POLR1A: variants seen among roughly 807,000 people sequenced by gnomAD.
POLR1A encodes the protein RNA polymerase I subunit A.
Under a neutral mutation model 205.3 loss-of-function variants are expected in POLR1A, and 84 were observed. The observed-to-expected ratio is 0.41, with a 90% CI of 0.34 to 0.49. POLR1A has a LOEUF of 0.49. POLR1A is among the 20% of genes least tolerant of loss of function. POLR1A has a pLI of 0.22. For synonymous variants in POLR1A, 799 were observed against 863.7 expected (o/e 0.93, Z 1.31); for missense variants, 1,645 against 2,204.5 (o/e 0.75, Z 5.08).
At chr2:86,031,750 C>T (rs1672399507) in intron 29 of POLR1A, 115 bp from the exon 30 acceptor site, 1 of 1,320,404 alleles carries the variant, frequency 7.6e-7, no homozygotes, top group Non-Finnish European at 1.0e-6. Flanking sequence ...ACCTAGGCCC[C>T]ACCTGCTCCA....
chr2:86,077,711 C>G, intron 11 of POLR1A, 148 bp downstream of exon 11: 1 of 948,596 alleles, frequency 1.1e-6, no homozygotes, highest in Non-Finnish European at 1.6e-6. Flanking sequence ...AAGCTAGTTC[C>G]GCCCAAGCCA....
Position 86,089,916 on chromosome 2 carries a change from T to A in POLR1A, c.446A>T (p.Asn149Ile), listed in dbSNP as rs1410963727. The change falls in exon 4 of 34, where the codon AAT becomes ATT. Residue 149 changes from asparagine (N) to isoleucine (I), a missense_variant. Asn to Ile is a moderately radical substitution (Grantham distance 149, BLOSUM62 -3). Coordinates refer to ENST00000263857, the MANE Select transcript of POLR1A (RefSeq NM_015425.6). ...AATTTCAGAGGCAGAGGGATCGGGATTTTCTTCCAGAAACTGGAAAACAAA... is the reference window on the plus strand; with the variant it reads ...AATTTCAGAGGCAGAGGGATCGGGAATTTCTTCCAGAAACTGGAAAACAAA... ...ERILNRFLEE[N>I]PDPSASEIRE... 5.1e-6 allele frequency: 8 copies of A among 1,574,526 alleles called. No homozygotes were observed. Among genetic ancestry groups the A allele is most frequent in the Non-Finnish European group, 7.0e-6 (8 of 1,143,616 alleles).
chr2:86,032,425 C>G, intron 28 of POLR1A, 43 bp from the exon 29 acceptor site: 1 of 1,362,058 alleles, frequency 7.3e-7, no homozygotes, highest in South Asian at 1.2e-5. Context: ...ACTCCAATAT[C>G]TAGTGCTCAG....
rs1265900706 is a variant in POLR1A at position 86,065,470 on chromosome 2, A to C, written c.1867-5T>G. 3 of 1,609,264 alleles carry C rather than the reference A, an allele frequency of 1.9e-6. No individual in the cohort carries two copies. The highest frequency in any genetic ancestry group is 2.5e-6 in the Non-Finnish European group (3 of 1,177,906). On this transcript the variant is annotated splice_polypyrimidine_tract_variant and splice_region_variant and intron_variant, in intron 13 of 33. Coordinates refer to ENST00000263857, the MANE Select transcript of POLR1A (RefSeq NM_015425.6). ...TCCCGCCAATGGTTGGCCATCCTAT[A>C]AGCCAAAACAGACAACACAAGAAGA...
rs564755710 is a variant in POLR1A, at chr2:86,046,004, T to C, written c.2734-235A>G. 2.0e-5 allele frequency among the ~76,000 whole-genome samples: 3 copies of C among 152,314 alleles called. No individual in the cohort carries two copies. In the East Asian group the frequency reaches 5.8e-4, roughly 29 times the overall value. ...ACATTTGGGGTCAGTTGAAAATGGG[T>C]GCTCTCTATAAAAAGAGCCATGTCT... is the stretch of plus-strand genomic sequence containing the variant. On this transcript the variant is annotated intron_variant, in intron 19 of 33. Coordinates refer to ENST00000263857, the MANE Select transcript of POLR1A (RefSeq NM_015425.6).
In POLR1A at chr2:86,070,321, C is replaced by T. The variant is rs767870383; in HGVS notation, c.1612-49G>A. ...GTGATCAGTGCAAACGTCAGTATCA[C>T]CACGGCTCTTTCCAAGTGCTCACCT... is the stretch of plus-strand genomic sequence containing the variant. On this transcript the variant is annotated intron_variant, in intron 12 of 33. Transcript: ENST00000263857. This position sits in a 1 kb window ranked among gnomAD's most constrained non-coding sequence, Gnocchi z 4.4. The T allele has an allele frequency of 3.9e-6, 6 of 1,542,724 alleles. No homozygotes were observed. The highest frequency in any genetic ancestry group is 1.9e-5 in the Admixed American group (1 of 53,058).
At chr2:86,099,794 C>G (rs1040965121) in intron 2 of POLR1A, among the ~76,000 whole-genome samples, 174 bp downstream of exon 2, 7 of 152,194 alleles carry the variant, frequency 4.6e-5, no homozygotes, top group African/African-American at 1.4e-4. Flanking sequence ...TTTAGGGCCA[C>G]AGGGTAAGTT....
chr2:86,038,947 G>A (rs1672549180), intron 26 of POLR1A, 90 bp from the exon 27 acceptor site: 1 of 1,225,234 alleles, frequency 8.2e-7, no homozygotes, highest in Non-Finnish European at 1.2e-6. Flanking sequence ...AGGGTTTACA[G>A]AGATAGCAGC....
In POLR1A at chr2:86,028,213, G is replaced by T. The variant is rs558788228; in HGVS notation, c.4898-164C>A. Among the ~76,000 whole-genome samples the T allele has an allele frequency of 1.1e-3, 171 of 152,272 alleles. No homozygotes were observed. Among genetic ancestry groups the T allele is most frequent in the Non-Finnish European group, 1.7e-3 (119 of 68,016 alleles). On this transcript the variant is annotated intron_variant, in intron 32 of 33. Transcript: ENST00000263857. This position sits in a 1 kb window ranked among gnomAD's most constrained non-coding sequence, Gnocchi z 4.5. ...CTCACGCTACTTAACCCTTCCCCGTGGTCTGGGGCATCTTTCCCTGACCCC... is the reference window on the plus strand; with the variant it reads ...CTCACGCTACTTAACCCTTCCCCGTTGTCTGGGGCATCTTTCCCTGACCCC...
At chr2:86,052,718 A>T in intron 16 of POLR1A, 99 bp downstream of exon 16, 1 of 975,226 alleles carries the variant, frequency 1.0e-6, no homozygotes, top group South Asian at 2.1e-5. Flanking sequence ...AGCCTTGGAA[A>T]TCTTCAGTGT....
chr2:86,098,626 C>A lies in POLR1A; in HGVS notation c.417G>T (p.Glu139Asp). Residue 139 changes from glutamate to aspartate, a missense_variant, in exon 3 of 34, where the codon GAG becomes GAT. Glu to Asp is a conservative substitution (Grantham distance 45). This residue lies in a region of POLR1A where 330 missense variants were observed against 375.6 expected (regional missense o/e 0.88). Transcript: ENST00000263857. The part of the protein sequence containing the change: ...VGALQAVYEL[E>D]RILNRFLEEN... Reference sequence around the variant, plus strand: ...ACCCACCTACCCTGTTCAGAATTCTCTCAAGCTCGTAGACTGCTTGTAGGG... The same window carrying A: ...ACCCACCTACCCTGTTCAGAATTCTATCAAGCTCGTAGACTGCTTGTAGGG... 6.2e-7 allele frequency: 1 copy of A among 1,613,582 alleles called. No individual in the cohort carries two copies. The highest frequency in any genetic ancestry group is 8.5e-7 in the Non-Finnish European group (1 of 1,179,874).
chr2:86,090,688 T>A (rs1028762606), intron 3 of POLR1A, among the ~76,000 whole-genome samples: 1 of 152,248 alleles, frequency 6.6e-6, no homozygotes, highest in African/African-American at 2.4e-5. Flanking sequence ...AATATGCCTA[T>A]GATGCTCCCC....
chr2:86,073,208 T>A (rs1559518), intron 12 of POLR1A, among the ~76,000 whole-genome samples: 122,756 of 142,500 alleles, frequency 0.86, 51,691 homozygotes, highest in Non-Finnish European at 0.9. Flanking sequence ...CAAAAAAAAA[T>A]AAAATAAAAA....
chr2:86,078,374 G>A lies in POLR1A; in HGVS notation c.1087-90C>T, dbSNP rs899405970. 3.0e-5 allele frequency: 29 copies of A among 973,814 alleles called. No homozygotes were observed. The Middle Eastern group carries it at 1.3e-3, about 44-fold the overall frequency. 60.3% of individuals were successfully genotyped at this position (973,814 alleles called of 1,614,324 possible). On this transcript the variant is annotated intron_variant, in intron 9 of 33. Transcript: ENST00000263857. ...AATTTTTCTTTCTTACCCTGGATCT[G>A]ACAACTATGCACTCTGGAGTTTATC...
intron 3 of POLR1A, among the ~76,000 whole-genome samples, chr2:86,093,474 T>G (rs1003228405): frequency 6.6e-5 from 10 of 152,186 alleles, no homozygotes; most frequent in Admixed American, 6.5e-4. Context: ...AACTTAGCAC[T>G]GATAAATTAT....
chr2:86,077,743 G>A, intron 11 of POLR1A, 116 bp downstream of exon 11: 1 of 1,223,134 alleles, frequency 8.2e-7, no homozygotes, highest in Admixed American at 1.8e-5. Context: ...TGCACATCCT[G>A]TCCCCAGTCC....
At chr2:86,029,465 G>C (rs771495696) in intron 31 of POLR1A, among the ~76,000 whole-genome samples, 1 of 152,142 alleles carries the variant, frequency 6.6e-6, no homozygotes, top group African/African-American at 2.4e-5. Flanking sequence ...ATGAGCTGGT[G>C]AGCAGGTGGG....
At chr2:86,068,393 G>GA (rs930189935) in intron 13 of POLR1A, among the ~76,000 whole-genome samples, 1 of 115,802 alleles carries the variant, frequency 8.6e-6, no homozygotes, top group South Asian at 4.1e-4. Flanking sequence ...GGGCGGGGGG[G>GA]GGGGGCGGGT....
chr2:86,027,418 A>G lies in POLR1A; in HGVS notation c.*5T>C. 6.2e-7 allele frequency: 1 copy of G among 1,612,368 alleles called. No homozygotes were observed. Among genetic ancestry groups the G allele is most frequent in the Non-Finnish European group, 8.5e-7 (1 of 1,178,380 alleles). On this transcript the variant is annotated 3_prime_UTR_variant, in exon 34 of 34. Coordinates refer to ENST00000263857, the MANE Select transcript of POLR1A (RefSeq NM_015425.6). Reference sequence around the variant, plus strand: ...GGAGCTGGGCAGATGGTGCCGGGGTAGCTGCTATCTCAGAGGCTGCTTGAG... The same window carrying G: ...GGAGCTGGGCAGATGGTGCCGGGGTGGCTGCTATCTCAGAGGCTGCTTGAG...
Sources: gnomAD v4.1 joint callset for allele counts (sites outside exome capture counted in the v4.1 genomes callset) on GRCh38, gnomAD v4.1.1 for gene constraint, gnomAD v4.1.1 regional missense constraint, Gnocchi (gnomAD v3.1) non-coding constraint, MANE v1.5 for transcripts, NCBI Gene and HGNC (gene_info 2026-07-23, HGNC 2026-07-21) for gene names.